CCDC102B: variants seen among roughly 807,000 people sequenced by gnomAD.
CCDC102B encodes the protein coiled-coil domain containing 102B, also known as coiled-coil domain-containing protein 102B.
A neutral mutation model predicts 57.4 loss-of-function variants in CCDC102B; 75 were observed. That is an observed-to-expected ratio of 1.31 (90% confidence interval 1.08 to 1.58). The LOEUF is 1.58. Among genes scored for constraint, CCDC102B ranks in the 40% most tolerant of loss-of-function variants. The probability of loss-of-function intolerance (pLI) is 0.00; values close to 1 mark genes in which losing one functional copy is unlikely to be tolerated. For synonymous variants in CCDC102B, 206 were observed against 201.9 expected (o/e 1.02, Z -0.17); for missense variants, 636 against 582.6 (o/e 1.09, Z -0.94).
intron 6 of CCDC102B, among the ~76,000 whole-genome samples, chr18:69,009,212 A>G (rs2051433376): frequency 6.6e-6 from 1 of 152,180 alleles, no homozygotes; most frequent in South Asian, 2.1e-4. Context: ...TGCCAGTCTG[A>G]AGACATCTTG....
chr18:68,717,276 A>G (rs190428024), intron 2 of CCDC102B, among the ~76,000 whole-genome samples: 1 of 152,306 alleles, frequency 6.6e-6, no homozygotes, highest in East Asian at 1.9e-4. Flanking sequence ...ATTTCTGATG[A>G]AATTAGAGAC....
intron 7 of CCDC102B, 195 bp downstream of exon 7, chr18:69,011,299 G>C: frequency 1.1e-5 from 6 of 570,554 alleles, no homozygotes; most frequent in Non-Finnish European, 1.8e-5. Flanking sequence ...GGCGGTAATA[G>C]TATATGTTTT....
chr18:68,731,993 T>C (rs1369220726), intron 2 of CCDC102B, among the ~76,000 whole-genome samples: 1 of 79,192 alleles, frequency 1.3e-5, no homozygotes, highest in Non-Finnish European at 3.4e-5. Flanking sequence ...ATCTGCTAAA[T>C]ACTGACTATT....
intron 6 of CCDC102B, among the ~76,000 whole-genome samples, chr18:69,008,627 G>A (rs935582827): frequency 3.9e-5 from 6 of 152,048 alleles, no homozygotes; most frequent in Admixed American, 2.6e-4. Flanking sequence ...CATGGGGGGC[G>A]TTCTCTTCCA....
rs146101395 is a variant in CCDC102B, at chr18:68,914,053, A to G, written c.1263+16625A>G. Among the ~76,000 whole-genome samples, 563 of 152,364 alleles carry G rather than the reference A, an allele frequency of 3.7e-3. 10 individuals are homozygous for G. Among genetic ancestry groups the G allele is most frequent in the African/African-American group, 0.013 (532 of 41,578 alleles). On this transcript the variant is annotated intron_variant, in intron 6 of 7. Transcript: ENST00000360242. ...AATTTTTATGTGCACTATATTCGGAAAATGACAAATCACCACCAATTTTCT... is the reference window on the plus strand; with the variant it reads ...AATTTTTATGTGCACTATATTCGGAGAATGACAAATCACCACCAATTTTCT...
chr18:68,824,131 G>A (rs961459166), intron 1 of CCDC102B, among the ~76,000 whole-genome samples: 4 of 152,118 alleles, frequency 2.6e-5, no homozygotes, highest in Non-Finnish European at 5.9e-5. Context: ...ATTTGCCAAG[G>A]CTGATGTCAA....
intron 6 of CCDC102B, among the ~76,000 whole-genome samples, chr18:68,913,940 C>A (rs939796724): frequency 6.6e-6 from 1 of 152,104 alleles, no homozygotes; most frequent in Admixed American, 6.6e-5. Flanking sequence ...CCTATCTCTG[C>A]CAGATAGGGT....
chr18:68,857,258 A>T lies in CCDC102B; in HGVS notation c.936+10837A>T, dbSNP rs548113850. On this transcript the variant is annotated intron_variant, in intron 4 of 7. Transcript: ENST00000360242. Reference sequence around the variant, plus strand: ...TATATAAATATATATTTATTATTTAAATATATAAATATATATATAATATAT... The same window carrying T: ...TATATAAATATATATTTATTATTTATATATATAAATATATATATAATATAT... 6.1e-4 allele frequency among the ~76,000 whole-genome samples: 27 copies of T among 44,536 alleles called. 8 individuals carry two copies. The highest frequency in any genetic ancestry group is 2.9e-3 in the Admixed American group (6 of 2,050). The allele number at this position is 44,536 out of a possible 152,430, so 29.2% of individuals were successfully genotyped here. A position where few individuals can be genotyped will look rare whatever the true frequency, so the allele number is the denominator to read the frequency against.
In CCDC102B at chr18:69,016,546, G is replaced by A. The variant is rs187352799; in HGVS notation, c.1434+5442G>A. Among the ~76,000 whole-genome samples the A allele has an allele frequency of 3.9e-3, 593 of 152,270 alleles. 11 individuals carry two copies. Among genetic ancestry groups the A allele is most frequent in the Admixed American group, 0.036 (548 of 15,294 alleles). ...AATTATCACCCTGCCATGATAACGTGTTACCTTAGTGTATGGGCTTCAAAT... is the reference window on the plus strand; with the variant it reads ...AATTATCACCCTGCCATGATAACGTATTACCTTAGTGTATGGGCTTCAAAT... On this transcript the variant is annotated intron_variant, in intron 7 of 7. Transcript: ENST00000360242.
intron 1 of CCDC102B, among the ~76,000 whole-genome samples, chr18:68,813,373 A>G (rs1183587735): frequency 6.6e-6 from 1 of 152,036 alleles, no homozygotes; most frequent in Admixed American, 6.6e-5. Flanking sequence ...CACGAGAACC[A>G]ACTAATACAG....
At chr18:68,821,770 TGA>T (rs2036700761) in intron 1 of CCDC102B, among the ~76,000 whole-genome samples, 1 of 152,072 alleles carries the variant, frequency 6.6e-6, no homozygotes, top group Non-Finnish European at 1.5e-5. Flanking sequence ...AATTAGTAAC[TGA>T]AACAAGTTTC....
intron 7 of CCDC102B, among the ~76,000 whole-genome samples, chr18:69,052,596 A>T (rs991660319): frequency 2.0e-5 from 3 of 151,892 alleles, no homozygotes; most frequent in African/African-American, 7.2e-5. Context: ...TCTTTGTGTG[A>T]AGGTCATAGA....
chr18:69,044,189 C>G (rs956652672), intron 7 of CCDC102B, among the ~76,000 whole-genome samples: 1 of 152,114 alleles, frequency 6.6e-6, no homozygotes, highest in Non-Finnish European at 1.5e-5. Context: ...ATCCTACTGA[C>G]AGTAGAATAG....
intron 2 of CCDC102B, among the ~76,000 whole-genome samples, chr18:68,784,874 T>C (rs1004267828): frequency 6.6e-5 from 10 of 152,188 alleles, no homozygotes; most frequent in Admixed American, 4.6e-4. Flanking sequence ...TTGTGCACAT[T>C]GTGCAGGATA....
chr18:68,979,444 G>A (rs1310068531), intron 6 of CCDC102B, among the ~76,000 whole-genome samples: 1 of 151,818 alleles, frequency 6.6e-6, no homozygotes, highest in Non-Finnish European at 1.5e-5. Flanking sequence ...TAGAAAAAAA[G>A]AATAAAAAAA....
intron 4 of CCDC102B, among the ~76,000 whole-genome samples, chr18:68,849,603 C>T (rs1001291200): frequency 6.6e-6 from 1 of 151,996 alleles, no homozygotes; most frequent in Admixed American, 6.6e-5. Context: ...TACATCGGAT[C>T]GTATTAGCCC....
Position 68,832,820 on chromosome 18 carries a change from C to T in CCDC102B, c.-15-3929C>T, listed in dbSNP as rs545605943. Among the ~76,000 whole-genome samples the T allele has an allele frequency of 3.3e-5, 5 of 151,794 alleles. No homozygotes were observed. In the South Asian group the frequency reaches 1.0e-3, roughly 32 times the overall value. On this transcript the variant is annotated intron_variant, in intron 1 of 7. Transcript: ENST00000360242. ...CTCCTGCAGAGCAAACAGGTTGCACCAAGGAGAAGGTGGAGGTGAGGTTGT... is the reference window on the plus strand; with the variant it reads ...CTCCTGCAGAGCAAACAGGTTGCACTAAGGAGAAGGTGGAGGTGAGGTTGT...
chr18:68,737,609 A>G (rs189167408), intron 2 of CCDC102B, among the ~76,000 whole-genome samples: 15 of 152,130 alleles, frequency 9.9e-5, no homozygotes, highest in African/African-American at 3.1e-4. Context: ...GCCCTTATTA[A>G]TGGCTATGAT....
intron 7 of CCDC102B, among the ~76,000 whole-genome samples, chr18:69,028,403 G>T (rs1358462534): frequency 6.6e-6 from 1 of 152,058 alleles, no homozygotes; most frequent in Non-Finnish European, 1.5e-5. Flanking sequence ...AAGACCTGAG[G>T]CTAGAAGCAC....
Sources: allele counts gnomAD v4.1 joint callset (sites outside exome capture counted in the v4.1 genomes callset), GRCh38; gene constraint gnomAD v4.1.1; transcripts MANE v1.5; gene names NCBI Gene and HGNC (gene_info 2026-07-23, HGNC 2026-07-21).